Variants in HTR4 observed in about 807,000 individuals in gnomAD.
The protein encoded by HTR4 is 5-hydroxytryptamine receptor 4.
Under a neutral mutation model 36.8 loss-of-function variants are expected in HTR4, and 16 were observed. That is an observed-to-expected ratio of 0.43 (90% CI 0.29 to 0.66). HTR4 has a LOEUF of 0.66. Among genes scored for constraint, HTR4 ranks in the 30% least tolerant of loss-of-function variants. HTR4 has a pLI of 0.13. For missense variants in HTR4, 438 were observed against 490.9 expected (o/e 0.89, Z 1.02); for synonymous variants, 189 against 185.1 (o/e 1.02, Z -0.17).
intron 1 of HTR4, among the ~76,000 whole-genome samples, chr5:148,650,026 G>GT (rs35355594): frequency 0.4 from 58,883 of 147,524 alleles, 11,663 homozygotes; most frequent in East Asian, 0.57. Flanking sequence ...AGCAATTTGT[G>GT]TTTTTTTTTT....
intron 1 of HTR4, among the ~76,000 whole-genome samples, chr5:148,643,350 A>T (rs1753783588): frequency 6.6e-6 from 1 of 152,132 alleles, no homozygotes; most frequent in African/African-American, 2.4e-5. Flanking sequence ...TTACAGGAAA[A>T]ATAAAGGGGT....
chr5:148,483,303 G>C lies in HTR4; in HGVS notation c.1077-10C>G, dbSNP rs546666430. 6.3e-7 allele frequency: 1 copy of C among 1,597,286 alleles called. No homozygotes were observed. The highest frequency in any genetic ancestry group is 8.6e-7 in the Non-Finnish European group (1 of 1,169,310). ...ACACTCCACTGCATCCCTAGAGAGAGGAGAAGATTACAGAACCTCAGAATT... is the reference window on the plus strand; with the variant it reads ...ACACTCCACTGCATCCCTAGAGAGACGAGAAGATTACAGAACCTCAGAATT... On this transcript the variant is annotated splice_polypyrimidine_tract_variant and intron_variant, in intron 6 of 6. Coordinates refer to ENST00000377888, the MANE Select transcript of HTR4 (RefSeq NM_000870.7).
intron 2 of HTR4, among the ~76,000 whole-genome samples, chr5:148,605,256 C>CTTTTTTTTTTTTTTTT (rs869039969): frequency 7.0e-5 from 3 of 42,640 alleles, no homozygotes; most frequent in Non-Finnish European, 1.3e-4. Context: ...CTTTTCTTTT[C>CTTTTTTTTTTTTTTTT]TTTTTTTTTT....
At chr5:148,458,197 T>C (rs1318150198) in intron 5 of HTR4, among the ~76,000 whole-genome samples, 1 of 148,796 alleles carries the variant, frequency 6.7e-6, no homozygotes, top group Non-Finnish European at 1.5e-5. Flanking sequence ...AATATATCAT[T>C]AAAATATAAA....
intron 1 of HTR4, among the ~76,000 whole-genome samples, chr5:148,643,483 A>AGAT: frequency 6.6e-6 from 1 of 152,306 alleles, no homozygotes; most frequent in Admixed American, 6.5e-5. Flanking sequence ...TCCCAAGAAA[A>AGAT]CAGGACCAAT....
intron 2 of HTR4, among the ~76,000 whole-genome samples, chr5:148,573,009 G>C (rs964463151): frequency 3.3e-5 from 5 of 152,110 alleles, no homozygotes; most frequent in African/African-American, 1.2e-4. Flanking sequence ...CTGTGGCACA[G>C]GTAGAGCAGC....
rs370042521 is a variant in HTR4 at position 148,625,673 on chromosome 5, C to T, written c.26+11316G>A. On this transcript the variant is annotated intron_variant, in intron 2 of 6. Coordinates refer to ENST00000377888, the MANE Select transcript of HTR4 (RefSeq NM_000870.7). ...TCTGCTCACTGCAACCTCTGCCTCC[C>T]GGGTTCAAGCGATTCGCCTGCCCCA... is the stretch of plus-strand genomic sequence containing the variant. Among the ~76,000 whole-genome samples, 5 of 152,140 alleles carry T rather than the reference C, an allele frequency of 3.3e-5. No individual in the cohort carries two copies. The South Asian group carries it at 8.3e-4, about 25-fold the overall frequency.
chr5:148,552,438 C>T (rs1340839592), intron 2 of HTR4, among the ~76,000 whole-genome samples: 1 of 152,178 alleles, frequency 6.6e-6, no homozygotes, highest in East Asian at 1.9e-4. Context: ...GATCTTAGGT[C>T]ATGTTAGTTG....
At chr5:148,460,316 T>C (rs1755241745) in intron 5 of HTR4, among the ~76,000 whole-genome samples, 1 of 152,150 alleles carries the variant, frequency 6.6e-6, no homozygotes, top group Non-Finnish European at 1.5e-5. Flanking sequence ...CCAAGCAGGA[T>C]AAATGCCAAC....
chr5:148,581,040 A>G (rs1761113909), intron 2 of HTR4, among the ~76,000 whole-genome samples: 1 of 151,610 alleles, frequency 6.6e-6, no homozygotes, highest in Admixed American at 6.6e-5. Flanking sequence ...TTTTAATAAT[A>G]GCCATCCTAT....
intron 4 of HTR4, among the ~76,000 whole-genome samples, chr5:148,525,460 T>C (rs1242601447): frequency 6.6e-6 from 1 of 152,218 alleles, no homozygotes; most frequent in Non-Finnish European, 1.5e-5. Flanking sequence ...GCTGTTGCTA[T>C]AGTGCTGTTG....
chr5:148,548,147 T>C (rs372084173), intron 4 of HTR4, among the ~76,000 whole-genome samples: 1 of 152,186 alleles, frequency 6.6e-6, no homozygotes, highest in East Asian at 1.9e-4. Context: ...CCAAAAATCA[T>C]AAAATTATTG....
At chr5:148,545,262 G>T (rs1208624654) in intron 4 of HTR4, among the ~76,000 whole-genome samples, 4 of 152,190 alleles carry the variant, frequency 2.6e-5, no homozygotes, top group African/African-American at 9.7e-5. Context: ...TGGAGTTTTT[G>T]ACATACACTG....
chr5:148,605,256 CTTTTT>C (rs869039969), intron 2 of HTR4, among the ~76,000 whole-genome samples: 5 of 42,640 alleles, frequency 1.2e-4, no homozygotes, highest in African/African-American at 3.7e-4. Context: ...CTTTTCTTTT[CTTTTT>C]TTTTTTTTTT....
chr5:148,563,222 G>T (rs1760293012), intron 2 of HTR4, among the ~76,000 whole-genome samples: 1 of 152,144 alleles, frequency 6.6e-6, no homozygotes, highest in East Asian at 1.9e-4. Context: ...ACTGTTCCCA[G>T]ATGGTGCCAA....
chr5:148,471,418 C>T (rs1042969260), intron 5 of HTR4, among the ~76,000 whole-genome samples: 3 of 152,134 alleles, frequency 2.0e-5, no homozygotes, highest in African/African-American at 7.2e-5. Flanking sequence ...CTGTATTTTG[C>T]ATTTGAATCA....
intron 5 of HTR4, among the ~76,000 whole-genome samples, chr5:148,513,313 C>A (rs1395034744): frequency 2.0e-5 from 3 of 152,118 alleles, no homozygotes; most frequent in African/African-American, 7.2e-5. Context: ...AATGCTTCTA[C>A]CCACCAGAAA....
intron 2 of HTR4, among the ~76,000 whole-genome samples, chr5:148,610,318 A>G (rs1363863609): frequency 6.6e-6 from 1 of 152,190 alleles, no homozygotes; most frequent in Non-Finnish European, 1.5e-5. Context: ...CCCAGTACGC[A>G]GCTGGAGATC....
intron 2 of HTR4, among the ~76,000 whole-genome samples, chr5:148,596,716 A>G (rs531139406): frequency 2.0e-4 from 30 of 152,242 alleles, no homozygotes; most frequent in African/African-American, 7.2e-4. Context: ...GTTGAGAAGT[A>G]CTGCTCTAGC....
Sources: gnomAD v4.1 joint callset for allele counts (sites outside exome capture counted in the v4.1 genomes callset) on GRCh38, gnomAD v4.1.1 for gene constraint, MANE v1.5 for transcripts, NCBI Gene and HGNC (gene_info 2026-07-23, HGNC 2026-07-21) for gene names.